TACR1: variants seen among roughly 807,000 people sequenced by gnomAD.
The protein encoded by TACR1 is tachykinin receptor 1.
A neutral mutation model predicts 35.8 loss-of-function variants in TACR1; 25 were observed. That is an observed-to-expected ratio of 0.70 (90% CI 0.51 to 0.98). TACR1 has a LOEUF of 0.98. Among genes scored for constraint, TACR1 ranks in the 50% least tolerant of loss-of-function variants. The pLI, the probability that TACR1 is intolerant of heterozygous loss-of-function variation, is 0.00. For missense variants in TACR1, 478 were observed against 522.9 expected (o/e 0.91, Z 0.84); for synonymous variants, 195 against 206.7 (o/e 0.94, Z 0.48).
At chr2:75,183,413 G>A (rs1270951690) in intron 1 of TACR1, among the ~76,000 whole-genome samples, 1 of 152,136 alleles carries the variant, frequency 6.6e-6, no homozygotes, top group Non-Finnish European at 1.5e-5. Flanking sequence ...GTTAATTATT[G>A]AGATCCTTAA....
intron 1 of TACR1, among the ~76,000 whole-genome samples, chr2:75,149,230 T>C (rs1353589655): frequency 6.6e-6 from 1 of 152,180 alleles, no homozygotes; most frequent in African/African-American, 2.4e-5. Context: ...ACGGGCTCTT[T>C]TTTGGTTCCA....
At chr2:75,143,181 G>A (rs1353701502) in intron 1 of TACR1, among the ~76,000 whole-genome samples, 2 of 152,220 alleles carry the variant, frequency 1.3e-5, no homozygotes, top group Non-Finnish European at 2.9e-5. Flanking sequence ...TGAGGTGCAA[G>A]CGAGGACAGG....
intron 2 of TACR1, among the ~76,000 whole-genome samples, chr2:75,069,623 C>T (rs1672835660): frequency 6.6e-6 from 1 of 152,148 alleles, no homozygotes; most frequent in Non-Finnish European, 1.5e-5. Context: ...TGCCATGTCT[C>T]CTTAAACCCC....
chr2:75,152,376 A>G (rs1350063362), intron 1 of TACR1, among the ~76,000 whole-genome samples: 1 of 152,158 alleles, frequency 6.6e-6, no homozygotes, highest in Non-Finnish European at 1.5e-5. Flanking sequence ...TGCTGTTCTC[A>G]TGATAGTGAA....
intron 2 of TACR1, among the ~76,000 whole-genome samples, chr2:75,062,460 T>C (rs1363565113): frequency 6.6e-6 from 1 of 152,188 alleles, no homozygotes; most frequent in Non-Finnish European, 1.5e-5. Context: ...ACAATCATCT[T>C]TTTATGTCAA....
At chr2:75,135,206 A>G (rs1022046836) in intron 1 of TACR1, among the ~76,000 whole-genome samples, 22 of 152,018 alleles carry the variant, frequency 1.4e-4, no homozygotes, top group Admixed American at 1.3e-3. Flanking sequence ...CCCTCTCCCT[A>G]TTGCTCTTAC....
chr2:75,109,735 C>T (rs1249126292), intron 2 of TACR1, among the ~76,000 whole-genome samples: 5 of 152,118 alleles, frequency 3.3e-5, no homozygotes, highest in African/African-American at 1.2e-4. Context: ...AGGATTACAA[C>T]ATTAAAAATG....
intron 1 of TACR1, among the ~76,000 whole-genome samples, chr2:75,194,429 C>A (rs1325979475): frequency 6.6e-6 from 1 of 152,146 alleles, no homozygotes; most frequent in Non-Finnish European, 1.5e-5. Context: ...TTTAATTCCC[C>A]CTCCAGGTGG....
intron 1 of TACR1, among the ~76,000 whole-genome samples, chr2:75,178,063 C>T (rs527898906): frequency 2.4e-4 from 37 of 152,312 alleles, no homozygotes; most frequent in Middle Eastern, 6.8e-3. Flanking sequence ...TGTCCACCTT[C>T]CCTCTAGATC....
chr2:75,108,781 G>A lies in TACR1; in HGVS notation c.584+11793C>T, dbSNP rs113811056. Reference sequence around the variant, plus strand: ...AATAAATTGGCTAGATAAAAGATAAGCTCACAAAACTAAATTACTTTGATG... The same window carrying A: ...AATAAATTGGCTAGATAAAAGATAAACTCACAAAACTAAATTACTTTGATG... On this transcript the variant is annotated intron_variant, in intron 2 of 4. Coordinates refer to ENST00000305249, the MANE Select transcript of TACR1 (RefSeq NM_001058.4). Among the ~76,000 whole-genome samples, 717 of 152,180 alleles carry A rather than the reference G, an allele frequency of 4.7e-3. 3 individuals carry two copies. The highest frequency in any genetic ancestry group is 0.015 in the African/African-American group (632 of 41,522).
intron 2 of TACR1, among the ~76,000 whole-genome samples, chr2:75,110,162 T>C (rs974577382): frequency 6.6e-6 from 1 of 152,094 alleles, no homozygotes; most frequent in Non-Finnish European, 1.5e-5. Context: ...AAAAATCAGA[T>C]GGTATCAGAT....
At chr2:75,129,204 G>A (rs1163567499) in intron 1 of TACR1, among the ~76,000 whole-genome samples, 1 of 152,200 alleles carries the variant, frequency 6.6e-6, no homozygotes, top group Non-Finnish European at 1.5e-5. Context: ...ATAATGGAAA[G>A]AAGTTCAAAT....
chr2:75,155,912 T>G (rs563904469), intron 1 of TACR1, among the ~76,000 whole-genome samples: 5 of 152,370 alleles, frequency 3.3e-5, no homozygotes, highest in East Asian at 1.9e-4. Flanking sequence ...AAAGCTGGCC[T>G]GCTGCCTATT....
At chr2:75,119,768 C>G (rs1439655597) in intron 2 of TACR1, among the ~76,000 whole-genome samples, 64 of 152,294 alleles carry the variant, frequency 4.2e-4, no homozygotes, top group Non-Finnish European at 1.3e-4. Flanking sequence ...TTCTATTTCT[C>G]CAGCTGTAAA....
intron 1 of TACR1, among the ~76,000 whole-genome samples, chr2:75,193,738 C>G (rs1000203642): frequency 6.6e-5 from 10 of 152,162 alleles, no homozygotes. Flanking sequence ...CTTCCTTGAT[C>G]ATTCATCACT....
chr2:75,189,975 A>C (rs1294757860), intron 1 of TACR1: 1 of 152,218 alleles, frequency 6.6e-6, no homozygotes, highest in African/African-American at 2.4e-5. Context: ...GTATTCAAAT[A>C]CTTAGTTGGA....
chr2:75,164,335 A>AAG (rs1553382351), intron 1 of TACR1, among the ~76,000 whole-genome samples: 27 of 151,736 alleles, frequency 1.8e-4, no homozygotes, highest in African/African-American at 6.3e-4. Context: ...TTAAAAAAAA[A>AAG]AAAAAGAAAA....
At chr2:75,089,912 C>T (rs936047456) in intron 2 of TACR1, among the ~76,000 whole-genome samples, 1 of 152,134 alleles carries the variant, frequency 6.6e-6, no homozygotes, top group African/African-American at 2.4e-5. Context: ...TGGAAAGCAC[C>T]ACCTAGACTA....
chr2:75,113,833 C>G (rs1219910500), intron 2 of TACR1, among the ~76,000 whole-genome samples: 4 of 151,962 alleles, frequency 2.6e-5, no homozygotes, highest in Non-Finnish European at 4.4e-5. Flanking sequence ...CCAAAGGATC[C>G]ACATTTTTTT....
Sources: allele counts gnomAD v4.1 joint callset (sites outside exome capture counted in the v4.1 genomes callset), GRCh38; gene constraint gnomAD v4.1.1; transcripts MANE v1.5; gene names NCBI Gene and HGNC (gene_info 2026-07-23, HGNC 2026-07-21).